Variants in NDST4 observed in about 807,000 individuals in gnomAD.
NDST4 encodes N-deacetylase and N-sulfotransferase 4, also known as N-heparan sulfate sulfotransferase 4.
In NDST4, 63 loss-of-function variants were observed where a neutral mutation model predicts 100.8. The observed-to-expected ratio is 0.62, with a 90% CI of 0.51 to 0.77. The LOEUF (loss-of-function observed/expected upper bound fraction) is 0.77, where lower values mean the gene tolerates loss of function less well. Among genes scored for constraint, NDST4 ranks in the 30% least tolerant of loss-of-function variants. The probability of loss-of-function intolerance (pLI) is 0.00; values close to 1 mark genes in which losing one functional copy is unlikely to be tolerated. For missense variants in NDST4, 943 were observed against 1,018.4 expected, an observed-to-expected ratio of 0.93 and a Z score of 1.01; for synonymous variants, 377 against 361.8, an observed-to-expected ratio of 1.04 and a Z score of -0.48.
chr4:114,870,891 G>A lies in NDST4; in HGVS notation c.1596C>T (p.Thr532=). ...GCACAAAGTTGACCAAGTTCACAAA[G>A]GTATATAACCCTAGGCGGTCATTTC... The part of the protein sequence containing the change: ...NYGNDRLGLY[T]FVNLVNFVQS... Residue 532 remains threonine (T), a synonymous_variant, in exon 7 of 14, where the codon ACC becomes ACT. Transcript: ENST00000264363. 2 of 1,612,982 alleles carry A rather than the reference G, an allele frequency of 1.2e-6. No homozygotes were observed. Among genetic ancestry groups the A allele is most frequent in the Non-Finnish European group, 1.7e-6 (2 of 1,179,344 alleles).
intron 11 of NDST4, among the ~76,000 whole-genome samples, chr4:114,838,024 C>G (rs1723339845): frequency 6.6e-6 from 1 of 152,190 alleles, no homozygotes; most frequent in Non-Finnish European, 1.5e-5. Context: ...TGAACAGACA[C>G]TTCTCAAAAG....
chr4:115,030,471 T>C (rs1370217365), intron 2 of NDST4, among the ~76,000 whole-genome samples: 1 of 152,120 alleles, frequency 6.6e-6, no homozygotes, highest in Non-Finnish European at 1.5e-5. Flanking sequence ...CTTTGTAATG[T>C]CATCTTGACA....
intron 2 of NDST4, among the ~76,000 whole-genome samples, chr4:115,032,990 A>G (rs951195749): frequency 1.3e-5 from 2 of 151,450 alleles, no homozygotes; most frequent in African/African-American, 4.8e-5. Flanking sequence ...ATCTTTCACC[A>G]ATGTCTATTT....
Position 114,977,203 on chromosome 4 carries a change from C to A in NDST4, c.1050G>T (p.Gly350=). 1 of 1,607,450 alleles carries A rather than the reference C, an allele frequency of 6.2e-7. No individual in the cohort carries two copies. Among genetic ancestry groups the A allele is most frequent in the Non-Finnish European group, 8.5e-7 (1 of 1,175,828 alleles). Residue 350 remains glycine, a synonymous_variant, in exon 3 of 14, where the codon GGG becomes GGT. Coordinates refer to ENST00000264363, the MANE Select transcript of NDST4 (RefSeq NM_022569.3). ...ANFTFNLGFS[G]KFYHTGTEEE... ...CCTTCTTACCTGTGTGGTAAAACTTCCCTGAAAATCCAAGGTTGAAGGTAA... is the reference window on the plus strand; with the variant it reads ...CCTTCTTACCTGTGTGGTAAAACTTACCTGAAAATCCAAGGTTGAAGGTAA...
chr4:114,840,717 G>A (rs555566428), intron 10 of NDST4, among the ~76,000 whole-genome samples: 112 of 152,270 alleles, frequency 7.4e-4, no homozygotes, highest in African/African-American at 2.5e-3. Context: ...ACTTCTAAAA[G>A]TGAATTTGAA....
intron 3 of NDST4, among the ~76,000 whole-genome samples, chr4:114,971,706 G>A (rs1726517986): frequency 6.6e-6 from 1 of 151,970 alleles, no homozygotes; most frequent in African/African-American, 2.4e-5. Flanking sequence ...TAAATTTAGG[G>A]AATAAATATT....
intron 6 of NDST4, among the ~76,000 whole-genome samples, chr4:114,909,686 A>AAAAAT (rs1725025693): frequency 6.6e-6 from 1 of 151,012 alleles, no homozygotes; most frequent in Non-Finnish European, 1.5e-5. Flanking sequence ...AAAAAAAAAA[A>AAAAAT]AAAGAAAGCT....
intron 7 of NDST4, among the ~76,000 whole-genome samples, chr4:114,856,779 T>A (rs942095713): frequency 3.9e-5 from 6 of 152,194 alleles, no homozygotes; most frequent in African/African-American, 1.4e-4. Context: ...GCTGCCTTAA[T>A]AAAACACATG....
rs375881591 is a variant in NDST4 at position 114,935,320 on chromosome 4, C to T, written c.1422G>A (p.Gln474=). Residue 474 remains glutamine (Q), a synonymous_variant, in exon 6 of 14, where the codon CAG becomes CAA. Transcript: ENST00000264363. ...TAGTGTGAGTGAACAACCCACAAGT[C>T]TGTCGAGGGAGGACCTGAGTAAAAA... ...IHNSIMVLPR[Q]TCGLFTHTIF... 132 of 1,605,884 alleles carry T rather than the reference C, an allele frequency of 8.2e-5. No homozygotes were observed. In the South Asian group the frequency reaches 8.6e-4, roughly 10 times the overall value.
intron 4 of NDST4, among the ~76,000 whole-genome samples, chr4:114,961,309 T>G (rs1726257829): frequency 6.6e-6 from 1 of 150,914 alleles, no homozygotes; most frequent in Non-Finnish European, 1.5e-5. Context: ...AAAAAGCGTA[T>G]TAAATATAAA....
intron 4 of NDST4, among the ~76,000 whole-genome samples, chr4:114,959,445 A>G (rs1040639270): frequency 3.9e-5 from 6 of 152,210 alleles, no homozygotes; most frequent in African/African-American, 1.4e-4. Flanking sequence ...AAGCCTTATG[A>G]TCATGATGGA....
intron 2 of NDST4, among the ~76,000 whole-genome samples, chr4:115,029,453 G>T (rs925298554): frequency 6.6e-6 from 1 of 152,066 alleles, no homozygotes; most frequent in African/African-American, 2.4e-5. Flanking sequence ...GTCTAGATTG[G>T]AACCAGAAAA....
At chr4:114,884,917 G>A (rs896359465) in intron 6 of NDST4, among the ~76,000 whole-genome samples, 5 of 152,082 alleles carry the variant, frequency 3.3e-5, no homozygotes, top group South Asian at 4.1e-4. Context: ...TTTGGAGGCC[G>A]ACTCTATTGT....
chr4:114,903,529 T>C (rs1362777696), intron 6 of NDST4, among the ~76,000 whole-genome samples: 1 of 151,980 alleles, frequency 6.6e-6, no homozygotes, highest in Non-Finnish European at 1.5e-5. Context: ...AGATTTCTGC[T>C]TGGGAGGTTT....
intron 2 of NDST4, among the ~76,000 whole-genome samples, chr4:114,981,301 G>T (rs533384297): frequency 5.9e-5 from 9 of 152,100 alleles, no homozygotes; most frequent in African/African-American, 2.2e-4. Context: ...GTCCAACTTT[G>T]CCCCTATATA....
intron 2 of NDST4, among the ~76,000 whole-genome samples, chr4:115,035,280 A>G (rs185401665): frequency 9.2e-5 from 14 of 152,284 alleles, no homozygotes. Context: ...TATGCAAATA[A>G]TAGTAATAAA....
At chr4:114,874,520 T>G (rs762776443) in intron 6 of NDST4, among the ~76,000 whole-genome samples, 1 of 152,176 alleles carries the variant, frequency 6.6e-6, no homozygotes, top group Non-Finnish European at 1.5e-5. Context: ...GCACATGCCT[T>G]ACTGGTTAGA....
At chr4:114,997,561 A>G (rs1404793307) in intron 2 of NDST4, among the ~76,000 whole-genome samples, 1 of 152,048 alleles carries the variant, frequency 6.6e-6, no homozygotes, top group Non-Finnish European at 1.5e-5. Context: ...AAGCATAAAT[A>G]TTACACCCAA....
chr4:114,986,300 A>G (rs937930651), intron 2 of NDST4, among the ~76,000 whole-genome samples: 2 of 152,176 alleles, frequency 1.3e-5, no homozygotes, highest in Non-Finnish European at 2.9e-5. Flanking sequence ...TGCATCAGCC[A>G]AACACTCCAC....
Sources: allele counts gnomAD v4.1 joint callset (sites outside exome capture counted in the v4.1 genomes callset), GRCh38; gene constraint gnomAD v4.1.1; transcripts MANE v1.5; gene names NCBI Gene and HGNC (gene_info 2026-07-23, HGNC 2026-07-21).